STXBP6: variants seen among roughly 807,000 people sequenced by gnomAD.
STXBP6 encodes syntaxin-binding protein 6.
STXBP6 carries 21 observed loss-of-function variants against 26.9 expected under a neutral mutation model. That is an observed-to-expected ratio of 0.78 (90% confidence interval 0.55 to 1.12). The LOEUF (loss-of-function observed/expected upper bound fraction) is 1.12. Among genes scored for constraint, STXBP6 ranks in the 50% most tolerant of loss-of-function variants. STXBP6 has a pLI of 0.00. For synonymous variants in STXBP6, 97 were observed against 92.6 expected (o/e 1.05, Z -0.27); for missense variants, 232 against 257.9 (o/e 0.90, Z 0.69).
chr14:24,955,303 G>A (rs1433516040), intron 2 of STXBP6, among the ~76,000 whole-genome samples: 2 of 152,128 alleles, frequency 1.3e-5, no homozygotes, highest in African/African-American at 2.4e-5. Flanking sequence ...GCTTCACCAG[G>A]AGTCCCACAT....
At chr14:24,959,808 C>G (rs886499758) in intron 2 of STXBP6, among the ~76,000 whole-genome samples, 5 of 152,140 alleles carry the variant, frequency 3.3e-5, no homozygotes, top group Non-Finnish European at 7.4e-5. Context: ...ATGAGACTCC[C>G]TTGGATGAAT....
At chr14:24,995,437 T>A (rs1328620934) in intron 1 of STXBP6, among the ~76,000 whole-genome samples, 1 of 152,108 alleles carries the variant, frequency 6.6e-6, no homozygotes, top group Non-Finnish European at 1.5e-5. Flanking sequence ...AATAGTTTTT[T>A]TTTTGCATGA....
At chr14:25,020,024 A>AGTT (rs1481965128) in intron 1 of STXBP6, among the ~76,000 whole-genome samples, 1 of 152,110 alleles carries the variant, frequency 6.6e-6, no homozygotes, top group African/African-American at 2.4e-5. Context: ...GCTTGGTTTC[A>AGTT]GTTACTGCCA....
At chr14:24,910,127 C>A (rs769110120) in intron 2 of STXBP6, among the ~76,000 whole-genome samples, 1 of 152,104 alleles carries the variant, frequency 6.6e-6, no homozygotes, top group Non-Finnish European at 1.5e-5. Context: ...CACACGCCCG[C>A]TTCAGGACCT....
intron 4 of STXBP6, among the ~76,000 whole-genome samples, chr14:24,822,731 C>T (rs1430918985): frequency 1.3e-5 from 2 of 152,130 alleles, no homozygotes; most frequent in Non-Finnish European, 1.5e-5. Flanking sequence ...TGGCACATCT[C>T]ACCCAGTTCC....
intron 2 of STXBP6, among the ~76,000 whole-genome samples, chr14:24,875,403 T>C (rs1403148654): frequency 6.6e-6 from 1 of 152,182 alleles, no homozygotes; most frequent in Admixed American, 6.5e-5. Flanking sequence ...AAATGTATAA[T>C]GTCTATTCAT....
intron 2 of STXBP6, among the ~76,000 whole-genome samples, chr14:24,873,753 T>C (rs1595014015): frequency 6.6e-6 from 1 of 152,324 alleles, no homozygotes; most frequent in South Asian, 2.1e-4. Context: ...AGATTCATTT[T>C]GCAGATGAAA....
chr14:25,039,293 T>G (rs2075604186), intron 1 of STXBP6, among the ~76,000 whole-genome samples: 1 of 152,254 alleles, frequency 6.6e-6, no homozygotes, highest in African/African-American at 2.4e-5. Flanking sequence ...GAAGTTATTA[T>G]AAGTCTTGTA....
chr14:24,923,272 G>A (rs2072045447), intron 2 of STXBP6, among the ~76,000 whole-genome samples: 1 of 152,046 alleles, frequency 6.6e-6, no homozygotes, highest in African/African-American at 2.4e-5. Context: ...GCAACTAGCT[G>A]TTTTGTTCAT....
At chr14:24,872,101 T>C (rs1252599148) in intron 2 of STXBP6, among the ~76,000 whole-genome samples, 2 of 152,094 alleles carry the variant, frequency 1.3e-5, no homozygotes, top group African/African-American at 4.8e-5. Context: ...ACAGAGAAAC[T>C]AAACTATGCC....
At chr14:24,976,563 T>C (rs1368482845) in intron 1 of STXBP6, among the ~76,000 whole-genome samples, 1 of 152,206 alleles carries the variant, frequency 6.6e-6, no homozygotes, top group African/African-American at 2.4e-5. Context: ...GGGACCTGTT[T>C]TTCAAATGCT....
chr14:24,912,064 T>A (rs1001315658), intron 2 of STXBP6, among the ~76,000 whole-genome samples: 1 of 152,146 alleles, frequency 6.6e-6, no homozygotes, highest in Non-Finnish European at 1.5e-5. Context: ...GAAACTAACA[T>A]AACCACCAAG....
At chr14:24,924,894 C>T (rs1170141488) in intron 2 of STXBP6, among the ~76,000 whole-genome samples, 1 of 152,172 alleles carries the variant, frequency 6.6e-6, no homozygotes, top group African/African-American at 2.4e-5. Context: ...GAAGCAATAC[C>T]TGCGGAACTC....
chr14:25,044,778 A>G (rs1232107176), intron 1 of STXBP6, among the ~76,000 whole-genome samples: 1 of 152,148 alleles, frequency 6.6e-6, no homozygotes, highest in Non-Finnish European at 1.5e-5. Flanking sequence ...GATTCAGTAA[A>G]TCTCGCACTG....
chr14:24,984,038 C>T (rs1443251674), intron 1 of STXBP6, among the ~76,000 whole-genome samples: 3 of 152,172 alleles, frequency 2.0e-5, no homozygotes, highest in African/African-American at 7.2e-5. Context: ...TCAAGATCAT[C>T]CTGGCCAACA....
chr14:24,870,569 T>C (rs1205943749), intron 2 of STXBP6, among the ~76,000 whole-genome samples: 4 of 152,196 alleles, frequency 2.6e-5, no homozygotes, highest in South Asian at 2.1e-4. Context: ...TTTTTCTAAC[T>C]TTTTTACTCT....
At chr14:25,029,916 C>G (rs552182426) in intron 1 of STXBP6, among the ~76,000 whole-genome samples, 6 of 151,726 alleles carry the variant, frequency 4.0e-5, no homozygotes, top group Admixed American at 3.9e-4. Flanking sequence ...TATCACACAC[C>G]AGAGGCCAAT....
intron 2 of STXBP6, among the ~76,000 whole-genome samples, chr14:24,859,991 C>A (rs536323827): frequency 3.9e-5 from 6 of 152,308 alleles, no homozygotes; most frequent in Admixed American, 3.9e-4. Context: ...CATGCCTCTT[C>A]TTTGGCTTTC....
intron 2 of STXBP6, among the ~76,000 whole-genome samples, chr14:24,939,441 T>G (rs1280152092): frequency 2.0e-5 from 3 of 151,656 alleles, no homozygotes; most frequent in Non-Finnish European, 4.4e-5. Flanking sequence ...ATAACATTTT[T>G]TCAAGTAAAT....
Sources: gnomAD v4.1 joint callset for allele counts (sites outside exome capture counted in the v4.1 genomes callset) on GRCh38, gnomAD v4.1.1 for gene constraint, MANE v1.5 for transcripts, NCBI Gene and HGNC (gene_info 2026-07-23, HGNC 2026-07-21) for gene names.